PDE1A: variants seen among roughly 807,000 people sequenced by gnomAD.
The protein encoded by PDE1A is dual specificity calcium/calmodulin-dependent 3',5'-cyclic nucleotide phosphodiesterase 1A.
A neutral mutation model predicts 61.7 loss-of-function variants in PDE1A; 35 were observed. The ratio of observed to expected loss-of-function variants is 0.57; its 90% confidence interval spans 0.43 to 0.75. The LOEUF is 0.75. Among genes scored for constraint, PDE1A ranks in the 30% least tolerant of loss-of-function variants. PDE1A has a pLI of 0.00. For synonymous variants in PDE1A, 232 were observed against 213.2 expected (o/e 1.09, Z -0.77); for missense variants, 597 against 630.6 (o/e 0.95, Z 0.57).
chr2:182,671,361 T>TC, the PDE1A span, among the ~76,000 whole-genome samples: 90 of 114,272 alleles, frequency 7.9e-4, no homozygotes, highest in African/African-American at 1.8e-3. Flanking sequence ...TTTTTTTTTT[T>TC]GTATTTTTAG....
intron 2 of PDE1A, among the ~76,000 whole-genome samples, chr2:182,443,046 T>G (rs1377865694): frequency 1.3e-5 from 2 of 151,238 alleles, no homozygotes; most frequent in Admixed American, 1.3e-4. Flanking sequence ...CTGAAGGGGG[T>G]TCAGGTAAAT....
chr2:182,290,044 G>GT (rs1302835208), intron 1 of PDE1A, among the ~76,000 whole-genome samples: 1 of 151,844 alleles, frequency 6.6e-6, no homozygotes, highest in African/African-American at 2.4e-5. Context: ...GCATGCCATA[G>GT]TAACATGAAA....
chr2:182,295,338 T>A (rs1479084591), intron 1 of PDE1A, among the ~76,000 whole-genome samples: 1 of 152,024 alleles, frequency 6.6e-6, no homozygotes, highest in Admixed American at 6.5e-5. Context: ...CCTCCCAAAG[T>A]GAATAAAAGG....
intron 1 of PDE1A, among the ~76,000 whole-genome samples, chr2:182,319,350 A>T (rs1357921853): frequency 1.3e-5 from 2 of 152,042 alleles, no homozygotes; most frequent in South Asian, 2.1e-4. Flanking sequence ...AGATTTTTAA[A>T]TTTTTTTTAA....
the PDE1A span, among the ~76,000 whole-genome samples, chr2:182,687,105 G>C: frequency 6.6e-6 from 1 of 152,248 alleles, no homozygotes; most frequent in African/African-American, 2.4e-5. Context: ...CCATCTCTGA[G>C]GGCAGGGCAT....
At chr2:182,469,695 T>C (rs1023614670) in intron 2 of PDE1A, among the ~76,000 whole-genome samples, 5 of 151,990 alleles carry the variant, frequency 3.3e-5, no homozygotes, top group Non-Finnish European at 7.4e-5. Flanking sequence ...CGGCTTTCAC[T>C]GTGCCTTCTT....
At chr2:182,311,662 T>G (rs2125950779) in intron 1 of PDE1A, among the ~76,000 whole-genome samples, 1 of 152,330 alleles carries the variant, frequency 6.6e-6, no homozygotes, top group South Asian at 2.1e-4. Flanking sequence ...AGTTTGTTCC[T>G]TTTTATTGCT....
chr2:182,174,056 C>A (rs555748160), intron 13 of PDE1A, among the ~76,000 whole-genome samples: 8 of 152,088 alleles, frequency 5.3e-5, no homozygotes, highest in African/African-American at 1.9e-4. Flanking sequence ...AGAAAGCTTA[C>A]AGAGACCCGT....
chr2:182,331,987 A>G (rs184062853), intron 1 of PDE1A, among the ~76,000 whole-genome samples: 15 of 152,264 alleles, frequency 9.9e-5, no homozygotes, highest in African/African-American at 3.4e-4. Flanking sequence ...AAGTACACCA[A>G]TCAAACGTAG....
chr2:182,532,405 T>A, the PDE1A span, among the ~76,000 whole-genome samples: 26 of 152,272 alleles, frequency 1.7e-4, no homozygotes, highest in African/African-American at 6.0e-4. Context: ...AAAACTTTTT[T>A]AAAATTATAA....
chr2:182,600,770 T>G, the PDE1A span, among the ~76,000 whole-genome samples: 1 of 152,218 alleles, frequency 6.6e-6, no homozygotes, highest in Non-Finnish European at 1.5e-5. Context: ...GTAGACTGTT[T>G]GCAAGTTGGC....
intron 1 of PDE1A, among the ~76,000 whole-genome samples, chr2:182,287,441 C>T (rs1263664377): frequency 6.6e-6 from 1 of 152,130 alleles, no homozygotes; most frequent in Admixed American, 6.6e-5. Flanking sequence ...ATTTACCTAT[C>T]TATTTATGAC....
intron 2 of PDE1A, among the ~76,000 whole-genome samples, chr2:182,446,722 A>C (rs1157086027): frequency 1.3e-5 from 2 of 152,086 alleles, no homozygotes; most frequent in Non-Finnish European, 2.9e-5. Context: ...TATTAAGTTT[A>C]TGTGCCCTTC....
chr2:182,341,392 C>T (rs1406821240), intron 1 of PDE1A, among the ~76,000 whole-genome samples: 4 of 152,152 alleles, frequency 2.6e-5, no homozygotes, highest in Admixed American at 6.5e-5. Flanking sequence ...ACTATAAAAA[C>T]AGCAATATTT....
chr2:182,602,178 G>T, the PDE1A span, among the ~76,000 whole-genome samples: 1 of 152,240 alleles, frequency 6.6e-6, no homozygotes. Context: ...AGGCAGGGGG[G>T]CCTTCCCGGG....
chr2:182,436,691 C>A (rs945635582), intron 2 of PDE1A, among the ~76,000 whole-genome samples: 25 of 151,934 alleles, frequency 1.6e-4, no homozygotes, highest in Admixed American at 5.3e-4. Context: ...ACTTTATATG[C>A]CCTGTTTCAG....
At chr2:182,390,379 G>T (rs1701352547) in intron 1 of PDE1A, among the ~76,000 whole-genome samples, 1 of 152,136 alleles carries the variant, frequency 6.6e-6, no homozygotes. Flanking sequence ...AAATGCATTT[G>T]ATACTTCTGA....
At chr2:182,663,745 C>A in the PDE1A span, among the ~76,000 whole-genome samples, 1 of 151,484 alleles carries the variant, frequency 6.6e-6, no homozygotes, top group Non-Finnish European at 1.5e-5. Context: ...ACGTGAGTGA[C>A]AAAATAATCT....
the PDE1A span, among the ~76,000 whole-genome samples, chr2:182,689,652 A>G: frequency 6.6e-6 from 1 of 152,258 alleles, no homozygotes; most frequent in Non-Finnish European, 1.5e-5. Context: ...TTCAAAAGTT[A>G]GCAGAAGGCA....
Sources: allele counts gnomAD v4.1 joint callset (sites outside exome capture counted in the v4.1 genomes callset), GRCh38; gene constraint gnomAD v4.1.1; transcripts MANE v1.5; gene names NCBI Gene and HGNC (gene_info 2026-07-23, HGNC 2026-07-21).